Variants in EP300 observed in about 807,000 individuals in gnomAD.
EP300 encodes histone acetyltransferase p300.
Under a neutral mutation model 264.0 loss-of-function variants are expected in EP300, and 31 were observed. The ratio of observed to expected loss-of-function variants is 0.12; its 90% confidence interval spans 0.09 to 0.16. The LOEUF (loss-of-function observed/expected upper bound fraction) is 0.16. Ranked by LOEUF, EP300 falls within the 10% of genes least tolerant of loss-of-function variation. EP300 has a pLI of 1.00. For missense variants in EP300, 2,766 were observed against 3,052.9 expected (o/e 0.91, Z 2.21); for synonymous variants, 1,340 against 1,045.4 (o/e 1.28, Z -5.44).
chr22:41,144,948 G>A (rs1278749616), intron 10 of EP300, among the ~76,000 whole-genome samples: 2 of 151,870 alleles, frequency 1.3e-5, no homozygotes, highest in Non-Finnish European at 2.9e-5. Flanking sequence ...CTCCTACAGT[G>A]ACACCTGTCT....
At chr22:41,168,239 A>G (rs569702354) in intron 23 of EP300, 1 of 584,960 alleles carries the variant, frequency 1.7e-6, no homozygotes, top group East Asian at 2.9e-5. Context: ...CACATGTATT[A>G]AAATTAGAAT....
intron 2 of EP300, among the ~76,000 whole-genome samples, chr22:41,123,466 A>G (rs2058863571): frequency 6.6e-6 from 1 of 152,202 alleles, no homozygotes; most frequent in Non-Finnish European, 1.5e-5. Context: ...AGACAGGCAA[A>G]CCTGTTGTCC....
intron 1 of EP300, among the ~76,000 whole-genome samples, chr22:41,101,847 T>G (rs916831093): frequency 6.6e-6 from 1 of 152,086 alleles, no homozygotes; most frequent in African/African-American, 2.4e-5. Context: ...TAAGAAACTT[T>G]CTTATAAAGG....
intron 7 of EP300, 67 bp downstream of exon 7, chr22:41,135,973 T>C (rs2058948505): frequency 8.1e-7 from 1 of 1,237,280 alleles, no homozygotes; most frequent in African/African-American, 1.5e-5. Context: ...ATTCATTGTT[T>C]GACTTTTGAA....
chr22:41,139,872 G>A (rs1213029753), intron 8 of EP300, among the ~76,000 whole-genome samples: 9 of 152,156 alleles, frequency 5.9e-5, no homozygotes, highest in Non-Finnish European at 1.3e-4. Context: ...ACTGTCTTTA[G>A]TATGTAACCC....
chr22:41,149,066 A>G lies in EP300; in HGVS notation c.2270A>G (p.Gln757Arg), dbSNP rs2145735822. Residue 757 changes from glutamine to arginine, a missense_variant, in exon 13 of 31, where the codon CAG (glutamine) becomes CGG (arginine). Physicochemically the swap from Gln to Arg is conservative, Grantham distance 43. Transcript: ENST00000263253. Reference protein sequence around the residue: ...PPMGYGPRMQQPSNQGQFLPQ... With the variant: ...PPMGYGPRMQRPSNQGQFLPQ... ...ATGGGCTATGGGCCTCGTATGCAAC[A>G]GCCTTCCAACCAGGGCCAGTTCCTT... 6.2e-7 allele frequency: 1 copy of G among 1,613,202 alleles called. No homozygotes were observed. The highest frequency in any genetic ancestry group is 8.5e-7 in the Non-Finnish European group (1 of 1,179,828).
In EP300 at chr22:41,161,499, C is replaced by G. The variant is rs186268263; in HGVS notation, c.3671+777C>G. On this transcript the variant is annotated intron_variant, in intron 20 of 30. Coordinates refer to ENST00000263253, the MANE Select transcript of EP300 (RefSeq NM_001429.4). ...GGGCATGGTGGTGGGCGCCTGTAGT[C>G]CCAGCTACTCGGGAGGCTGAGGCAG... Among the ~76,000 whole-genome samples the G allele has an allele frequency of 8.5e-3, 1,293 of 152,206 alleles. 13 individuals carry two copies. Among genetic ancestry groups the G allele is most frequent in the African/African-American group, 0.03 (1,230 of 41,514 alleles).
At chr22:41,167,452 C>G (rs1239439700) in intron 23 of EP300, among the ~76,000 whole-genome samples, 2 of 151,440 alleles carry the variant, frequency 1.3e-5, no homozygotes, top group African/African-American at 2.4e-5. Context: ...TACTGATCTA[C>G]AGATTATTTT....
intron 8 of EP300, among the ~76,000 whole-genome samples, chr22:41,138,392 G>A (rs2058964009): frequency 6.6e-6 from 1 of 152,108 alleles, no homozygotes; most frequent in Non-Finnish European, 1.5e-5. Context: ...TCAAATTCCT[G>A]ACATCAAGTG....
At chr22:41,163,539 G>C (rs1216563557) in intron 21 of EP300, among the ~76,000 whole-genome samples, 1 of 151,650 alleles carries the variant, frequency 6.6e-6, no homozygotes, top group Admixed American at 6.6e-5. Flanking sequence ...CCAAGGTCAA[G>C]AGTTCGAGAC....
rs182485586 is a variant in EP300, at chr22:41,147,565, C to T, written c.2132-272C>T. Among the ~76,000 whole-genome samples the T allele has an allele frequency of 3.8e-3, 575 of 152,058 alleles. 5 individuals carry two copies. Among genetic ancestry groups the T allele is most frequent in the African/African-American group, 0.013 (543 of 41,488 alleles). On this transcript the variant is annotated intron_variant, in intron 11 of 30. Transcript: ENST00000263253. ...ATCCTGGCTAACACAGTGAAACCCC[C>T]GTCTCTACTAAAAATACAAAAAATT...
At chr22:41,098,651 G>A (rs1287964649) in intron 1 of EP300, among the ~76,000 whole-genome samples, 1 of 152,182 alleles carries the variant, frequency 6.6e-6, no homozygotes, top group African/African-American at 2.4e-5. Context: ...GATTACAGGC[G>A]TGAGCCATAG....
At chr22:41,106,762 A>G (rs2058760242) in intron 1 of EP300, among the ~76,000 whole-genome samples, 1 of 766 alleles carries the variant, frequency 1.3e-3, no homozygotes, top group East Asian at 0.045. Flanking sequence ...TGCCTGGCTA[A>G]TTTTTAAATT....
At chr22:41,157,854 GTAA>G (rs2145748714) in intron 18 of EP300, among the ~76,000 whole-genome samples, 1 of 152,278 alleles carries the variant, frequency 6.6e-6, no homozygotes, top group Admixed American at 6.5e-5. Flanking sequence ...TGCCACAGTA[GTAA>G]TATCTCTTAA....
intron 6 of EP300, among the ~76,000 whole-genome samples, chr22:41,132,650 A>T (rs1038729573): frequency 6.6e-6 from 1 of 152,126 alleles, no homozygotes; most frequent in Admixed American, 6.5e-5. Context: ...ACTATACAAC[A>T]GAAATTGTGT....
intron 1 of EP300, among the ~76,000 whole-genome samples, chr22:41,110,817 T>A (rs1476140624): frequency 6.6e-6 from 1 of 152,152 alleles, no homozygotes; most frequent in Non-Finnish European, 1.5e-5. Flanking sequence ...GATACTGCAT[T>A]GAATCTATAG....
chr22:41,148,334 C>T (rs1054588227), intron 12 of EP300, among the ~76,000 whole-genome samples: 4 of 152,160 alleles, frequency 2.6e-5, no homozygotes, highest in African/African-American at 9.7e-5. Flanking sequence ...TCTACCTTGA[C>T]CCTAACCCTC....
At chr22:41,100,807 T>C (rs1467348881) in intron 1 of EP300, among the ~76,000 whole-genome samples, 1 of 152,136 alleles carries the variant, frequency 6.6e-6, no homozygotes. Flanking sequence ...GAGTGGATTC[T>C]GGAACCAATT....
chr22:41,174,887 C>G (rs554133187), intron 29 of EP300: 1 of 152,064 alleles, frequency 6.6e-6, no homozygotes, highest in African/African-American at 2.4e-5. Flanking sequence ...ATGATGTTAT[C>G]ATGGTGAACA....
Sources: gnomAD v4.1 joint callset for allele counts (sites outside exome capture counted in the v4.1 genomes callset) on GRCh38, gnomAD v4.1.1 for gene constraint, MANE v1.5 for transcripts, NCBI Gene and HGNC (gene_info 2026-07-23, HGNC 2026-07-21) for gene names.